The following FBXL7 variants were observed in gnomAD, a reference collection of about 807,000 sequenced individuals.
FBXL7 encodes the protein F-box/LRR-repeat protein 7.
In FBXL7, 12 loss-of-function variants were observed where a neutral mutation model predicts 38.3. The observed-to-expected ratio is 0.31, with a 90% CI of 0.20 to 0.51. The LOEUF is 0.51. Ranked by LOEUF, FBXL7 falls within the 20% of genes least tolerant of loss-of-function variation. The probability of loss-of-function intolerance (pLI) is 0.98; values close to 1 mark genes in which losing one functional copy is unlikely to be tolerated. For missense variants in FBXL7, 567 were observed against 676.4 expected (o/e 0.84, Z 1.79); for synonymous variants, 297 against 300.9 (o/e 0.99, Z 0.13).
At chr5:15,780,702 C>T (rs1736969283) in intron 2 of FBXL7, among the ~76,000 whole-genome samples, 1 of 152,144 alleles carries the variant, frequency 6.6e-6, no homozygotes, top group Non-Finnish European at 1.5e-5. Context: ...TGTTTAAATT[C>T]AGCCTTTTCA....
Position 15,580,559 on chromosome 5 carries a change from C to A in FBXL7, c.38-35424C>A. ...CCTGGATAAGCAAACCAAGAAGCCACTCTCTTTTAGTCTTTAAACAAATCT... is the reference window on the plus strand; with the variant it reads ...CCTGGATAAGCAAACCAAGAAGCCAATCTCTTTTAGTCTTTAAACAAATCT... On this transcript the variant is annotated intron_variant, in intron 1 of 3. Coordinates refer to ENST00000504595, the MANE Select transcript of FBXL7 (RefSeq NM_012304.5). The A allele has an allele frequency of 1.8e-5, 17 of 927,264 alleles. 1 individual carries two copies. The highest frequency in any genetic ancestry group is 2.2e-5 in the Non-Finnish European group (17 of 776,836). 57.4% of individuals were successfully genotyped at this position (927,264 alleles called of 1,614,324 possible).
chr5:15,814,659 T>G (rs1394383308), intron 2 of FBXL7, among the ~76,000 whole-genome samples: 1 of 152,082 alleles, frequency 6.6e-6, no homozygotes, highest in Non-Finnish European at 1.5e-5. Flanking sequence ...ATGGTAGAAT[T>G]TAAAAAAATG....
chr5:15,750,093 A>G lies in FBXL7; in HGVS notation c.127+134021A>G, dbSNP rs184777368. Among the ~76,000 whole-genome samples, 437 of 152,312 alleles carry G rather than the reference A, an allele frequency of 2.9e-3. 2 individuals are homozygous for G. The highest frequency in any genetic ancestry group is 9.7e-3 in the African/African-American group (404 of 41,574). ...TGTTTCGTTTTTATTTACTGAAGAA[A>G]CATAAGAGCCTTCTTTGTGTCTATT... On this transcript the variant is annotated intron_variant, in intron 2 of 3. Coordinates refer to ENST00000504595, the MANE Select transcript of FBXL7 (RefSeq NM_012304.5).
At chr5:15,605,712 A>G (rs1424289977) in intron 1 of FBXL7, among the ~76,000 whole-genome samples, 1 of 152,208 alleles carries the variant, frequency 6.6e-6, no homozygotes, top group Non-Finnish European at 1.5e-5. Flanking sequence ...ATATCCTTAC[A>G]ACAATTACAA....
At chr5:15,751,350 G>A (rs1364037962) in intron 2 of FBXL7, among the ~76,000 whole-genome samples, 1 of 152,146 alleles carries the variant, frequency 6.6e-6, no homozygotes. Flanking sequence ...TGACGTGGTG[G>A]ATAATGTTTG....
At chr5:15,595,903 G>A (rs1048292468) in intron 1 of FBXL7, among the ~76,000 whole-genome samples, 2 of 152,134 alleles carry the variant, frequency 1.3e-5, no homozygotes, top group African/African-American at 4.8e-5. Flanking sequence ...TCTTCATGAG[G>A]TCAATGAGAG....
At chr5:15,596,853 C>T (rs1254825695) in intron 1 of FBXL7, among the ~76,000 whole-genome samples, 2 of 152,174 alleles carry the variant, frequency 1.3e-5, no homozygotes, top group African/African-American at 2.4e-5. Context: ...AGGGCATGGA[C>T]GCTCCATGCC....
intron 2 of FBXL7, among the ~76,000 whole-genome samples, chr5:15,708,899 A>G (rs905076208): frequency 1.3e-5 from 2 of 152,200 alleles, no homozygotes; most frequent in African/African-American, 4.8e-5. Context: ...CAGTGAGGTG[A>G]TGTGCTTTAG....
At chr5:15,590,880 G>A (rs922346901) in intron 1 of FBXL7, among the ~76,000 whole-genome samples, 4 of 152,092 alleles carry the variant, frequency 2.6e-5, no homozygotes, top group African/African-American at 7.2e-5. Context: ...AATGCTTCTA[G>A]TTAACCTAAA....
At chr5:15,566,495 G>T (rs534063838) in intron 1 of FBXL7, among the ~76,000 whole-genome samples, 2 of 152,260 alleles carry the variant, frequency 1.3e-5, no homozygotes, top group Admixed American at 1.3e-4. Flanking sequence ...ACTACCATGT[G>T]CAGTGCACTG....
At chr5:15,580,874 G>A (rs1739116095) in intron 1 of FBXL7, 1 of 943,398 alleles carries the variant, frequency 1.1e-6, no homozygotes, top group South Asian at 4.9e-5. Context: ...TGGCTGGAAG[G>A]GGCATGGAAG....
At chr5:15,891,950 A>G (rs1211366794) in intron 2 of FBXL7, among the ~76,000 whole-genome samples, 1 of 152,216 alleles carries the variant, frequency 6.6e-6, no homozygotes, top group Non-Finnish European at 1.5e-5. Context: ...AAAGGAACTC[A>G]GCCACTGCCC....
intron 2 of FBXL7, among the ~76,000 whole-genome samples, chr5:15,753,139 G>T (rs962382964): frequency 6.6e-6 from 1 of 152,016 alleles, no homozygotes; most frequent in Non-Finnish European, 1.5e-5. Flanking sequence ...GGCGGGGGCT[G>T]GACAGTCTGC....
chr5:15,810,363 C>T (rs1025665461), intron 2 of FBXL7, among the ~76,000 whole-genome samples: 8 of 151,938 alleles, frequency 5.3e-5, no homozygotes, highest in African/African-American at 2.4e-5. Flanking sequence ...GGGTTCAAGA[C>T]CAGGCTGGCC....
intron 2 of FBXL7, among the ~76,000 whole-genome samples, chr5:15,649,001 T>C (rs1277361081): frequency 6.6e-6 from 1 of 151,994 alleles, no homozygotes; most frequent in Non-Finnish European, 1.5e-5. Flanking sequence ...TGTTTGTTTG[T>C]TTGTTTGTGT....
intron 2 of FBXL7, among the ~76,000 whole-genome samples, chr5:15,660,650 G>A (rs1453147701): frequency 6.6e-6 from 1 of 152,182 alleles, no homozygotes; most frequent in Admixed American, 6.5e-5. Context: ...GAGACACCGT[G>A]CCTGGCCCAT....
chr5:15,806,996 G>T (rs756602901), intron 2 of FBXL7, among the ~76,000 whole-genome samples: 5 of 151,988 alleles, frequency 3.3e-5, no homozygotes, highest in African/African-American at 4.8e-5. Flanking sequence ...TGTTGCCCAG[G>T]CTGGAGTGCA....
intron 2 of FBXL7, among the ~76,000 whole-genome samples, chr5:15,775,384 T>C (rs574592883): frequency 1.4e-4 from 21 of 150,790 alleles, no homozygotes; most frequent in Admixed American, 5.3e-4. Context: ...CCCCACCATA[T>C]ACACACACAC....
intron 2 of FBXL7, among the ~76,000 whole-genome samples, chr5:15,680,635 T>C (rs16867538): frequency 0.64 from 97,692 of 152,024 alleles, 32,125 homozygotes; most frequent in East Asian, 0.75. Context: ...AGATAATTGG[T>C]GTTCCATAAA....
Sources: gnomAD v4.1 joint callset for allele counts (sites outside exome capture counted in the v4.1 genomes callset) on GRCh38, gnomAD v4.1.1 for gene constraint, MANE v1.5 for transcripts, NCBI Gene and HGNC (gene_info 2026-07-23, HGNC 2026-07-21) for gene names.